The following CACNA1C variants were observed in gnomAD, a reference collection of about 807,000 sequenced individuals.
The protein encoded by CACNA1C is calcium voltage-gated channel subunit alpha1 C, also known as voltage-dependent L-type calcium channel subunit alpha-1C.
Under a neutral mutation model 229.0 loss-of-function variants are expected in CACNA1C, and 30 were observed. The ratio of observed to expected loss-of-function variants is 0.13; its 90% CI spans 0.10 to 0.18. The LOEUF is 0.18. Among genes scored for constraint, CACNA1C ranks in the 10% least tolerant of loss-of-function variants. CACNA1C has a pLI of 1.00. For missense variants in CACNA1C, 1,658 were observed against 2,845.0 expected (o/e 0.58, Z 9.49); for synonymous variants, 1,114 against 1,132.5 (o/e 0.98, Z 0.33).
intron 1 of CACNA1C, among the ~76,000 whole-genome samples, chr12:2,111,018 C>T (rs976705614): frequency 7.2e-5 from 11 of 152,236 alleles, no homozygotes; most frequent in African/African-American, 2.4e-4. Context: ...CTGTCTGTCT[C>T]ACCTGTGTGC....
chr12:2,519,172 C>T (rs556994672), intron 9 of CACNA1C, among the ~76,000 whole-genome samples: 3 of 152,356 alleles, frequency 2.0e-5, no homozygotes, highest in Non-Finnish European at 2.9e-5. Context: ...CACCTCTTTA[C>T]ACTTGCTTGC....
At chr12:2,146,616 AAGCAG>A (rs1413468727) in intron 3 of CACNA1C, among the ~76,000 whole-genome samples, 2 of 151,054 alleles carry the variant, frequency 1.3e-5, no homozygotes, top group Admixed American at 6.7e-5. Flanking sequence ...ATTTAGACGA[AAGCAG>A]AGCCATTGGA....
chr12:2,418,633 G>A (rs2098941319), intron 3 of CACNA1C, among the ~76,000 whole-genome samples: 1 of 152,176 alleles, frequency 6.6e-6, no homozygotes, highest in African/African-American at 2.4e-5. Context: ...ATCATCCCGG[G>A]AAGGGCCCAG....
rs5796003 is a variant in CACNA1C, at chr12:2,395,209, C to CTT, written c.478-53749_478-53748dup. On this transcript the variant is annotated intron_variant, in intron 3 of 46. Transcript: ENST00000399655. The stretch of plus-strand genomic sequence containing the variant: ...TCCAGCCTTCTTTTCTTTTCTCTAG[C>CTT]TTTTTTTTTTTTTTTTTTTAAATAT... Among the ~76,000 whole-genome samples, 583 of 128,056 alleles carry CTT rather than the reference C, an allele frequency of 4.6e-3. 6 individuals are homozygous for CTT. The highest frequency in any genetic ancestry group is 0.012 in the African/African-American group (416 of 34,206). The allele number at this position is 128,056 out of a possible 152,430, so 84.0% of individuals were successfully genotyped here.
rs374161796 is a variant in CACNA1C, at chr12:2,450,493, A to T, written c.617+1378A>T. Among the ~76,000 whole-genome samples, 168 of 139,862 alleles carry T rather than the reference A, an allele frequency of 1.2e-3. 1 individual carries two copies. Among genetic ancestry groups the T allele is most frequent in the Admixed American group, 4.8e-3 (65 of 13,622 alleles). The allele number at this position is 139,862 out of a possible 152,430, so 91.8% of individuals were successfully genotyped here. On this transcript the variant is annotated intron_variant, in intron 4 of 46. Transcript: ENST00000399655. The stretch of plus-strand genomic sequence containing the variant: ...GGCGTGAACCCGGGAGGCGGAGCTT[A>T]CAGTGAGCCGAGATCATGCCACTGC...
At chr12:2,631,263 C>T (rs1188085680) in intron 29 of CACNA1C, among the ~76,000 whole-genome samples, 1 of 151,754 alleles carries the variant, frequency 6.6e-6, no homozygotes, top group Non-Finnish European at 1.5e-5. Flanking sequence ...GACACTCACA[C>T]CTTCCTCTCT....
chr12:2,674,372 A>C, intron 38 of CACNA1C, 169 bp from the exon 39 acceptor site: 2 of 918,040 alleles, frequency 2.2e-6, no homozygotes, highest in Non-Finnish European at 3.2e-6. Context: ...GGGAAGAGGA[A>C]GGAGGTGGAA....
intron 1 of CACNA1C, among the ~76,000 whole-genome samples, chr12:2,040,512 G>A (rs1358399881): frequency 1.3e-5 from 2 of 152,180 alleles, no homozygotes; most frequent in African/African-American, 4.8e-5. Context: ...AAGTCTAAGC[G>A]GTAGGCTGGG....
At chr12:2,229,230 C>T (rs3794297) in intron 3 of CACNA1C, among the ~76,000 whole-genome samples, 76,728 of 151,978 alleles carry the variant, frequency 0.5, 20,715 homozygotes, top group African/African-American at 0.7. Context: ...TCCATTTTTA[C>T]CTCGGCCTCA....
chr12:2,063,202 A>C (rs1186769237), intron 1 of CACNA1C, among the ~76,000 whole-genome samples: 1 of 138,708 alleles, frequency 7.2e-6, no homozygotes, highest in South Asian at 2.4e-4. Context: ...ACCAGGCTGG[A>C]GTGCAGTGGT....
intron 29 of CACNA1C, among the ~76,000 whole-genome samples, chr12:2,634,014 G>T (rs770562499): frequency 6.6e-6 from 1 of 152,094 alleles, no homozygotes; most frequent in Non-Finnish European, 1.5e-5. Context: ...TCCCCGGGGC[G>T]GCCACAGCCC....
intron 14 of CACNA1C, among the ~76,000 whole-genome samples, chr12:2,582,045 A>G (rs1174005646): frequency 6.6e-6 from 1 of 151,874 alleles, no homozygotes; most frequent in Non-Finnish European, 1.5e-5. Flanking sequence ...CCTTCTCAGG[A>G]GAATCTCTTG....
At chr12:2,055,603 A>G (rs905944242) in intron 1 of CACNA1C, among the ~76,000 whole-genome samples, 1 of 152,180 alleles carries the variant, frequency 6.6e-6, no homozygotes, top group African/African-American at 2.4e-5. Context: ...TGCCAACCCC[A>G]GAGAGGTTCC....
chr12:2,201,385 G>A (rs2239022), intron 3 of CACNA1C, among the ~76,000 whole-genome samples: 51,801 of 152,040 alleles, frequency 0.34, 9,306 homozygotes, highest in South Asian at 0.39. Flanking sequence ...CAATACCATT[G>A]TGCTACAAAC....
At chr12:2,206,529 G>A (rs1456828276) in intron 3 of CACNA1C, among the ~76,000 whole-genome samples, 1 of 152,170 alleles carries the variant, frequency 6.6e-6, no homozygotes, top group African/African-American at 2.4e-5. Flanking sequence ...GCAAAATGGG[G>A]CTAGTAACAC....
intron 9 of CACNA1C, among the ~76,000 whole-genome samples, chr12:2,525,492 G>A (rs564412716): frequency 6.6e-6 from 1 of 152,290 alleles, no homozygotes; most frequent in African/African-American, 2.4e-5. Flanking sequence ...CTGGGAGTTG[G>A]TTTGTCCTGC....
At position 2,076,995 on chromosome 12, in the gene CACNA1C, G is replaced by T. The variant is rs558411259; in HGVS notation, c.49+23384G>T. On this transcript the variant is annotated intron_variant, in intron 1 of 46. Transcript: ENST00000399655. ...GTGCCCTGGAGCGGACGCCATGCTG[G>T]GCTCACTAGCTGTGGCTTCATGTTT... 4.6e-5 allele frequency among the ~76,000 whole-genome samples: 7 copies of T among 152,326 alleles called. No homozygotes were observed. The South Asian group carries it at 1.5e-3, about 32-fold the overall frequency.
intron 3 of CACNA1C, among the ~76,000 whole-genome samples, chr12:2,360,529 G>A (rs2097532664): frequency 6.6e-6 from 1 of 152,222 alleles, no homozygotes; most frequent in Non-Finnish European, 1.5e-5. Context: ...AGTCACTGAA[G>A]TCTTAGGTCA....
Position 2,597,594 on chromosome 12 carries a change from C to CT in CACNA1C, c.2853+309dup. ...GTCTTTTCTGTTTCTTTCACTCTCT[C>CT]TTTTCTTTACTCCCAAGCCTGAAAT... On this transcript the variant is annotated intron_variant, in intron 21 of 46. Coordinates refer to ENST00000399655, the MANE Select transcript of CACNA1C (RefSeq NM_000719.7). The surrounding 1 kb of genome is among the most constrained non-coding windows in gnomAD (Gnocchi z 4.3). 3.5e-6 allele frequency: 3 copies of CT among 845,982 alleles called. No individual in the cohort carries two copies. The East Asian group carries it at 7.5e-5, about 21-fold the overall frequency. The allele number at this position is 845,982 out of a possible 1,614,324, so 52.4% of individuals were successfully genotyped here.
Sources: allele counts gnomAD v4.1 joint callset (sites outside exome capture counted in the v4.1 genomes callset), GRCh38; gene constraint gnomAD v4.1.1; non-coding constraint Gnocchi (gnomAD v3.1); transcripts MANE v1.5; gene names NCBI Gene and HGNC (gene_info 2026-07-23, HGNC 2026-07-21).